Variants in EPHA5 observed in about 807,000 individuals in gnomAD.
The protein encoded by EPHA5 is EPH receptor A5.
Under a neutral mutation model 105.0 loss-of-function variants are expected in EPHA5, and 60 were observed. The ratio of observed to expected loss-of-function variants is 0.57; its 90% CI spans 0.46 to 0.71. The LOEUF (loss-of-function observed/expected upper bound fraction) is 0.71. Among genes scored for constraint, EPHA5 ranks in the 30% least tolerant of loss-of-function variants. The pLI is 0.00. For missense variants in EPHA5, 1,218 were observed against 1,274.7 expected, an observed-to-expected ratio of 0.96 and a Z score of 0.68; for synonymous variants, 513 against 449.1, an observed-to-expected ratio of 1.14 and a Z score of -1.80.
chr4:65,339,201 C>A (rs28585608), intron 14 of EPHA5, among the ~76,000 whole-genome samples: 1 of 152,082 alleles, frequency 6.6e-6, no homozygotes, highest in Non-Finnish European at 1.5e-5. Flanking sequence ...GCTCTCTGGG[C>A]TCCTTCTATC....
chr4:65,434,085 TTAACTC>T (rs746444125), intron 5 of EPHA5, among the ~76,000 whole-genome samples: 4 of 151,916 alleles, frequency 2.6e-5, no homozygotes, highest in African/African-American at 9.7e-5. Context: ...AAATAGCACT[TTAACTC>T]TAGCCTCTGG....
At chr4:65,514,747 C>A (rs1421644715) in intron 3 of EPHA5, among the ~76,000 whole-genome samples, 1 of 152,074 alleles carries the variant, frequency 6.6e-6, no homozygotes, top group Non-Finnish European at 1.5e-5. Context: ...AAATCTCATG[C>A]CATCAAACTA....
chr4:65,540,210 T>C (rs913569787), intron 3 of EPHA5, among the ~76,000 whole-genome samples: 2 of 151,614 alleles, frequency 1.3e-5, no homozygotes, highest in African/African-American at 4.8e-5. Flanking sequence ...AAGGAAATAT[T>C]CCTAAAGCCT....
At chr4:65,573,864 C>T in intron 3 of EPHA5, 2 of 1,612,722 alleles carry the variant, frequency 1.2e-6, no homozygotes, top group Non-Finnish European at 1.7e-6. Context: ...ACCCTTCAGT[C>T]AGCACGTGAG....
intron 3 of EPHA5, among the ~76,000 whole-genome samples, chr4:65,499,012 A>T (rs890406749): frequency 7.3e-5 from 7 of 95,258 alleles, no homozygotes; most frequent in African/African-American, 3.3e-4. Flanking sequence ...ATTCAAACTC[A>T]TATTATTCCC....
At chr4:65,350,461 A>G (rs1722711562) in intron 13 of EPHA5, among the ~76,000 whole-genome samples, 2 of 152,160 alleles carry the variant, frequency 1.3e-5, no homozygotes, top group Admixed American at 1.3e-4. Flanking sequence ...GAAAACATGC[A>G]TATTACTTTG....
intron 12 of EPHA5, 151 bp from the exon 13 acceptor site, chr4:65,351,749 G>A (rs1302281476): frequency 2.9e-6 from 2 of 689,556 alleles, no homozygotes; most frequent in Non-Finnish European, 4.8e-6. Flanking sequence ...ATGGTAGGAA[G>A]TATATGGCTA....
At chr4:65,344,600 C>T (rs956664975) in intron 14 of EPHA5, among the ~76,000 whole-genome samples, 1 of 152,056 alleles carries the variant, frequency 6.6e-6, no homozygotes, top group Non-Finnish European at 1.5e-5. Flanking sequence ...GAAGTAGACA[C>T]GTGGTAGAAA....
At chr4:65,421,611 C>A (rs181891535) in intron 5 of EPHA5, among the ~76,000 whole-genome samples, 123 of 152,204 alleles carry the variant, frequency 8.1e-4, no homozygotes, top group African/African-American at 2.7e-3. Flanking sequence ...ACTCACTTTA[C>A]TATAGTAAAA....
intron 5 of EPHA5, among the ~76,000 whole-genome samples, chr4:65,476,879 TTAA>T (rs1211299273): frequency 3.9e-5 from 6 of 152,212 alleles, no homozygotes; most frequent in Admixed American, 6.5e-5. Context: ...GTCTGGATCC[TTAA>T]TAATAAAAAA....
At chr4:65,422,942 C>G (rs537364798) in intron 5 of EPHA5, among the ~76,000 whole-genome samples, 1 of 152,122 alleles carries the variant, frequency 6.6e-6, no homozygotes, top group East Asian at 1.9e-4. Flanking sequence ...AGATTATTAT[C>G]AATTAAAGTC....
In EPHA5 at chr4:65,557,175, C is replaced by CATGGTGAGA. The variant is rs549956683; in HGVS notation, c.910+44457_910+44465dup. Among the ~76,000 whole-genome samples the CATGGTGAGA allele has an allele frequency of 1.2e-3, 167 of 141,156 alleles. 1 individual carries two copies. Among genetic ancestry groups the CATGGTGAGA allele is most frequent in the East Asian group, 0.011 (54 of 4,748 alleles). 92.6% of individuals were successfully genotyped at this position (141,156 alleles called of 152,430 possible). On this transcript the variant is annotated intron_variant, in intron 3 of 16. Transcript: ENST00000613740. ...GATGAAACCAGATTTGGGGACGGGGCATGGTGAGAGCAGCTGTGGGTTGTG... is the reference window on the plus strand; with the variant it reads ...GATGAAACCAGATTTGGGGACGGGGCATGGTGAGAATGGTGAGAGCAGCTGTGGGTTGTG...
chr4:65,514,205 C>G (rs975611282), intron 3 of EPHA5, among the ~76,000 whole-genome samples: 15 of 152,176 alleles, frequency 9.9e-5, no homozygotes, highest in African/African-American at 3.6e-4. Flanking sequence ...GATTTTATTT[C>G]CCACTGTGGC....
chr4:65,639,833 TC>T (rs1747478913), intron 2 of EPHA5, among the ~76,000 whole-genome samples: 1 of 152,228 alleles, frequency 6.6e-6, no homozygotes, highest in South Asian at 2.1e-4. Context: ...GCTTATCCTT[TC>T]TTCTCTGTGC....
Position 65,537,496 on chromosome 4 carries a change from G to C in EPHA5, c.911-41953C>G, listed in dbSNP as rs148775373. On this transcript the variant is annotated intron_variant, in intron 3 of 16. Coordinates refer to ENST00000613740, the MANE Select transcript of EPHA5 (RefSeq NM_001281766.3). ...TTCAAAATAAACTAAATGTCCCAAA[G>C]TAAATATCTACAAAACAGGGTTAAG... Among the ~76,000 whole-genome samples the C allele has an allele frequency of 1.8e-4, 27 of 151,862 alleles. No individual in the cohort carries two copies. In the East Asian group the frequency reaches 5.2e-3, roughly 29 times the overall value.
intron 3 of EPHA5, among the ~76,000 whole-genome samples, chr4:65,581,796 G>A (rs1000276825): frequency 2.6e-5 from 4 of 151,602 alleles, no homozygotes; most frequent in Non-Finnish European, 5.9e-5. Flanking sequence ...TTTCTAAATG[G>A]GCAATAACTT....
chr4:65,439,515 GA>G (rs1217549051), intron 5 of EPHA5, among the ~76,000 whole-genome samples: 1 of 141,098 alleles, frequency 7.1e-6, no homozygotes, highest in Non-Finnish European at 1.5e-5. Flanking sequence ...TATAGTCCAA[GA>G]GTTCATATCT....
At position 65,336,061 on chromosome 4, in the gene EPHA5, T is replaced by G. The variant is rs1721148660; in HGVS notation, c.2660A>C (p.Tyr887Ser). Residue 887 changes from tyrosine to serine, a missense_variant, in exon 15 of 17, where the codon TAT becomes TCT. Physicochemically the swap from Tyr to Ser is moderately radical, Grantham distance 144 (BLOSUM62 -2). Transcript: ENST00000613740. Reference protein sequence around the residue: ...PSPMDCPAALYQLMLDCWQKE... With the variant: ...PSPMDCPAALSQLMLDCWQKE... ...CTGCCAGCAATCCAGCATTAACTGATAGAGAGCAGCAGGACAATCCATGGG... is the reference window on the plus strand; with the variant it reads ...CTGCCAGCAATCCAGCATTAACTGAGAGAGAGCAGCAGGACAATCCATGGG... 6.2e-7 allele frequency: 1 copy of G among 1,613,178 alleles called. No individual in the cohort carries two copies. Among genetic ancestry groups the G allele is most frequent in the African/African-American group, 1.3e-5 (1 of 74,812 alleles).
chr4:65,348,135 A>G lies in EPHA5; in HGVS notation c.2514T>C (p.Ser838=). The part of the protein sequence containing the change: ...AIAFRKFTSA[S]DVWSYGIVMW... ...TTACTATTCCATAACTCCAGACATC[A>G]CTGGCAGAAGTAAACTTTCGGAAAG... Residue 838 remains serine, a synonymous_variant, in exon 14 of 17, where the codon AGT becomes AGC. Coordinates refer to ENST00000613740, the MANE Select transcript of EPHA5 (RefSeq NM_001281766.3). 1 of 1,613,728 alleles carries G rather than the reference A, an allele frequency of 6.2e-7. No individual in the cohort carries two copies.
Sources: gnomAD v4.1 joint callset for allele counts (sites outside exome capture counted in the v4.1 genomes callset) on GRCh38, gnomAD v4.1.1 for gene constraint, MANE v1.5 for transcripts, NCBI Gene and HGNC (gene_info 2026-07-23, HGNC 2026-07-21) for gene names.